SH3RF2: variants seen among roughly 807,000 people sequenced by gnomAD.
SH3RF2 encodes SH3 domain containing ring finger 2.
Under a neutral mutation model 59.0 loss-of-function variants are expected in SH3RF2, and 43 were observed. The observed-to-expected ratio is 0.73, with a 90% CI of 0.57 to 0.94. The LOEUF (loss-of-function observed/expected upper bound fraction) is 0.94. SH3RF2 is among the 40% of genes least tolerant of loss of function. The pLI is 0.00. For missense variants in SH3RF2, 930 were observed against 940.1 expected, an observed-to-expected ratio of 0.99 and a Z score of 0.14; for synonymous variants, 391 against 391.5, an observed-to-expected ratio of 1.00 and a Z score of 0.01.
At chr5:146,004,262 T>C in intron 4 of SH3RF2, 109 bp downstream of exon 4, 1 of 770,572 alleles carries the variant, frequency 1.3e-6, no homozygotes, top group African/African-American at 1.8e-5. Flanking sequence ...ATTTCAGAAC[T>C]AACTAAAATC....
At chr5:146,022,461 C>T (rs1272882119) in intron 5 of SH3RF2, among the ~76,000 whole-genome samples, 1 of 152,170 alleles carries the variant, frequency 6.6e-6, no homozygotes, top group Non-Finnish European at 1.5e-5. Context: ...CCCACCTTGC[C>T]TCTTGGATTA....
At position 145,953,035 on chromosome 5, in the gene SH3RF2, A is replaced by G. The variant is rs1477765032; in HGVS notation, c.378+14729A>G. Among the ~76,000 whole-genome samples, 9 of 152,224 alleles carry G rather than the reference A, an allele frequency of 5.9e-5. No individual in the cohort carries two copies. In the East Asian group the frequency reaches 1.5e-3, roughly 26 times the overall value. ...TTCAACAAAATCATAGGTGCCAGCT[A>G]TTGGAAGTGAAGCTGAATTGCACAG... is the stretch of plus-strand genomic sequence containing the variant. On this transcript the variant is annotated intron_variant, in intron 2 of 9. Coordinates refer to ENST00000359120, the MANE Select transcript of SH3RF2 (RefSeq NM_152550.4).
chr5:146,010,018 T>C (rs1035719668), intron 4 of SH3RF2, among the ~76,000 whole-genome samples: 12 of 152,094 alleles, frequency 7.9e-5, no homozygotes, highest in Non-Finnish European at 1.3e-4. Flanking sequence ...CCTAATGCTA[T>C]CCCTCCCCAC....
exon 10 of SH3RF2, chr5:146,079,856 G>A (rs963266393): frequency 3.9e-5 from 6 of 152,186 alleles, no homozygotes; most frequent in African/African-American, 1.4e-4. Context: ...TGAGCACACT[G>A]GCTATTTATA....
At position 145,938,222 on chromosome 5, in the gene SH3RF2, T is replaced by C. The variant is rs780310124; in HGVS notation, c.294T>C (p.Asp98=). The C allele has an allele frequency of 2.5e-6, 4 of 1,612,580 alleles. No homozygotes were observed. The South Asian group carries it at 4.4e-5, about 18-fold the overall frequency. ...GGCCTGGCACGATGACCTTGCAGGA[T>C]GGCAGGAAAAGCAGGACCAACCCCA... is the stretch of plus-strand genomic sequence containing the variant. ...FRRPGTMTLQ[D]GRKSRTNPRR... The change falls in exon 2 of 10, where the codon GAT becomes GAC. Residue 98 remains aspartate, a synonymous_variant. Transcript: ENST00000359120.
At chr5:146,050,923 A>C (rs947103623) in intron 7 of SH3RF2, among the ~76,000 whole-genome samples, 1 of 152,230 alleles carries the variant, frequency 6.6e-6, no homozygotes, top group Non-Finnish European at 1.5e-5. Context: ...GACTAAAGAC[A>C]CAGCAAGTAC....
chr5:145,973,795 G>T (rs1379431717), intron 2 of SH3RF2, among the ~76,000 whole-genome samples: 2 of 152,162 alleles, frequency 1.3e-5, no homozygotes, highest in Non-Finnish European at 2.9e-5. Flanking sequence ...CATATAATTT[G>T]ATTATGGAAT....
At chr5:146,045,318 G>A (rs1275642889) in intron 5 of SH3RF2, among the ~76,000 whole-genome samples, 1 of 152,164 alleles carries the variant, frequency 6.6e-6, no homozygotes, top group African/African-American at 2.4e-5. Context: ...TCTTCTTAAT[G>A]CTTTATTATT....
intron 2 of SH3RF2, among the ~76,000 whole-genome samples, chr5:145,959,103 T>C (rs989409472): frequency 2.6e-5 from 4 of 152,014 alleles, no homozygotes; most frequent in Admixed American, 2.0e-4. Context: ...AAAGGTAACA[T>C]GAAAGGGATG....
At chr5:146,079,778 C>A (rs188303997) in exon 10 of SH3RF2, 1 of 152,364 alleles carries the variant, frequency 6.6e-6, no homozygotes, top group East Asian at 1.9e-4. Context: ...GGTGACAATA[C>A]ACCACAAGAA....
At chr5:146,076,459 T>C (rs1472322622) in intron 9 of SH3RF2, among the ~76,000 whole-genome samples, 1 of 152,124 alleles carries the variant, frequency 6.6e-6, no homozygotes, top group Non-Finnish European at 1.5e-5. Context: ...AGGGCTAAAA[T>C]TGGTAAATAA....
rs377612345 is a variant in SH3RF2 at position 146,013,878 on chromosome 5, G to A, written c.876G>A (p.Arg292=). The A allele has an allele frequency of 5.0e-6, 8 of 1,614,182 alleles. No homozygotes were observed. Among genetic ancestry groups the A allele is most frequent in the Non-Finnish European group, 5.9e-6 (7 of 1,180,016 alleles). The change falls in exon 5 of 10, where the codon AGG becomes AGA. Residue 292 remains arginine, a synonymous_variant. Coordinates refer to ENST00000359120, the MANE Select transcript of SH3RF2 (RefSeq NM_152550.4). The part of the protein sequence containing the change: ...TSTLRRGPGS[R]RKVPGQFSIT... ...CCCTCCGTAGGGGCCCAGGGTCCAG[G>A]AGGAAGGTGCCTGGGCAGTTTTCCA...
chr5:146,058,885 A>G (rs1580937069), intron 8 of SH3RF2, among the ~76,000 whole-genome samples: 1 of 152,194 alleles, frequency 6.6e-6, no homozygotes, highest in South Asian at 2.1e-4. Context: ...AAAAAAAAAA[A>G]AAGGAAAAGA....
intron 5 of SH3RF2, among the ~76,000 whole-genome samples, chr5:146,017,772 C>T (rs1761161810): frequency 2.6e-5 from 4 of 152,084 alleles, no homozygotes; most frequent in Admixed American, 2.6e-4. Context: ...ACTATTGCTC[C>T]AGCCTCCTCA....
chr5:145,989,074 C>T (rs1246826528), intron 2 of SH3RF2, among the ~76,000 whole-genome samples: 1 of 152,186 alleles, frequency 6.6e-6, no homozygotes, highest in Non-Finnish European at 1.5e-5. Flanking sequence ...ATTTCCCTTG[C>T]CCAGCATTCC....
chr5:145,948,345 G>C (rs1006058107), intron 2 of SH3RF2, among the ~76,000 whole-genome samples: 1 of 152,222 alleles, frequency 6.6e-6, no homozygotes, highest in Non-Finnish European at 1.5e-5. Context: ...ATGACACTGA[G>C]GATTGCAAAC....
chr5:146,022,962 TA>T (rs1315416283), intron 5 of SH3RF2, among the ~76,000 whole-genome samples: 1 of 152,122 alleles, frequency 6.6e-6, no homozygotes, highest in Non-Finnish European at 1.5e-5. Flanking sequence ...TTCAAATTTT[TA>T]TATTTGCCTT....
At chr5:145,945,341 G>A (rs1040286689) in intron 2 of SH3RF2, among the ~76,000 whole-genome samples, 4 of 152,124 alleles carry the variant, frequency 2.6e-5, no homozygotes, top group Admixed American at 1.3e-4. Flanking sequence ...TTTATGCAAT[G>A]GTATATAGTT....
chr5:145,998,872 C>T (rs1223145100), intron 2 of SH3RF2, among the ~76,000 whole-genome samples: 4 of 152,170 alleles, frequency 2.6e-5, no homozygotes, highest in African/African-American at 9.7e-5. Context: ...GATCACACCA[C>T]TGGACTCCAG....
Sources: allele counts gnomAD v4.1 joint callset (sites outside exome capture counted in the v4.1 genomes callset), GRCh38; gene constraint gnomAD v4.1.1; transcripts MANE v1.5; gene names NCBI Gene and HGNC (gene_info 2026-07-23, HGNC 2026-07-21).